Variants in ITGB8 observed in about 807,000 individuals in gnomAD.
ITGB8 encodes integrin beta-8.
A neutral mutation model predicts 89.5 loss-of-function variants in ITGB8; 30 were observed. That is an observed-to-expected ratio of 0.34 (90% CI 0.25 to 0.45). The LOEUF is 0.45. Among genes scored for constraint, ITGB8 ranks in the 20% least tolerant of loss-of-function variants. The pLI is 1.00. For missense variants in ITGB8, 836 were observed against 933.3 expected (o/e 0.90, Z 1.36); for synonymous variants, 335 against 320.4 (o/e 1.05, Z -0.49).
intron 6 of ITGB8, among the ~76,000 whole-genome samples, chr7:20,387,584 C>T (rs926563144): frequency 6.6e-6 from 1 of 152,166 alleles, no homozygotes; most frequent in African/African-American, 2.4e-5. Context: ...TTTTACCCTC[C>T]AGAGGACAAT....
intron 10 of ITGB8, among the ~76,000 whole-genome samples, chr7:20,402,419 C>T (rs1239601365): frequency 6.6e-6 from 1 of 152,156 alleles, no homozygotes; most frequent in Non-Finnish European, 1.5e-5. Flanking sequence ...AAAGGAAATG[C>T]TGATGATATC....
intron 6 of ITGB8, among the ~76,000 whole-genome samples, chr7:20,388,148 C>G (rs1786704543): frequency 6.6e-6 from 1 of 152,200 alleles, no homozygotes; most frequent in Non-Finnish European, 1.5e-5. Context: ...ATGAATCTTT[C>G]TTACCTCTTC....
intron 1 of ITGB8, chr7:20,346,726 A>G: frequency 1.0e-6 from 1 of 985,338 alleles, no homozygotes; most frequent in Non-Finnish European, 1.2e-6. Flanking sequence ...CCAGATGATT[A>G]AAGTGATTGC....
chr7:20,355,770 C>A (rs956383573), intron 1 of ITGB8, among the ~76,000 whole-genome samples: 1 of 152,056 alleles, frequency 6.6e-6, no homozygotes, highest in African/African-American at 2.4e-5. Context: ...CTAGGCTGGG[C>A]GACACTGCAA....
At chr7:20,365,202 G>T (rs1785647231) in intron 2 of ITGB8, 1 of 152,360 alleles carries the variant, frequency 6.6e-6, no homozygotes, top group South Asian at 2.1e-4. Flanking sequence ...TTGTCTGATA[G>T]AAAGAGCTAA....
Position 20,351,812 on chromosome 7 carries a change from C to T in ITGB8, c.128-11825C>T, listed in dbSNP as rs114548972. 1.3e-3 allele frequency among the ~76,000 whole-genome samples: 191 copies of T among 152,210 alleles called. 3 individuals carry two copies. The highest frequency in any genetic ancestry group is 4.0e-3 in the African/African-American group (167 of 41,548). ...AAAGATACAATGTAGAAAATGCATT[C>T]TTACTATCCTAGGGCATTTTTTTTA... is the stretch of plus-strand genomic sequence containing the variant. On this transcript the variant is annotated intron_variant, in intron 1 of 13. Transcript: ENST00000222573.
At chr7:20,403,480 A>C (rs1183853572) in intron 10 of ITGB8, among the ~76,000 whole-genome samples, 2 of 152,188 alleles carry the variant, frequency 1.3e-5, no homozygotes, top group Non-Finnish European at 2.9e-5. Context: ...TTTCTGTGTA[A>C]GTGCAGACTG....
intron 1 of ITGB8, among the ~76,000 whole-genome samples, chr7:20,336,006 T>TC (rs1442214021): frequency 2.0e-4 from 22 of 108,642 alleles, no homozygotes; most frequent in African/African-American, 4.6e-4. Context: ...TTTTCTTTTT[T>TC]TTTTTTTTTT....
At chr7:20,364,127 T>C (rs1214344379) in intron 2 of ITGB8, among the ~76,000 whole-genome samples, 2 of 152,170 alleles carry the variant, frequency 1.3e-5, no homozygotes, top group Non-Finnish European at 2.9e-5. Context: ...CGAATCCTAA[T>C]AACAAAATTC....
intron 1 of ITGB8, among the ~76,000 whole-genome samples, chr7:20,355,448 T>G (rs1218543676): frequency 6.6e-6 from 1 of 152,192 alleles, no homozygotes; most frequent in Non-Finnish European, 1.5e-5. Flanking sequence ...AGCTTCCTCC[T>G]GAGCTACTAT....
chr7:20,398,391 TATC>T (rs1483419716), intron 8 of ITGB8, among the ~76,000 whole-genome samples: 1 of 152,232 alleles, frequency 6.6e-6, no homozygotes, highest in Non-Finnish European at 1.5e-5. Context: ...TCGTTTTAGC[TATC>T]ATGATAGTCT....
At chr7:20,372,195 G>A (rs559285474) in intron 3 of ITGB8, among the ~76,000 whole-genome samples, 1 of 152,162 alleles carries the variant, frequency 6.6e-6, no homozygotes, top group Admixed American at 6.5e-5. Flanking sequence ...ATTATAAGTT[G>A]CATTTTTTCT....
Position 20,381,815 on chromosome 7 carries a change from C to G in ITGB8, c.890C>G (p.Ala297Gly), listed in dbSNP as rs761198562. Reference sequence around the variant, plus strand: ...CATCTCGCTCTTGATAGCAAATTGGCAGGCATAGTGGTGCCCAATGACGGA... The same window carrying G: ...CATCTCGCTCTTGATAGCAAATTGGGAGGCATAGTGGTGCCCAATGACGGA... ...TSHLALDSKLAGIVVPNDGNC... is the reference protein window; with the variant it reads ...TSHLALDSKLGGIVVPNDGNC... Residue 297 changes from alanine (A) to glycine (G), a missense_variant, in exon 6 of 14, where the codon GCA (alanine) becomes GGA (glycine). Physicochemically the swap from Ala to Gly is moderately conservative, Grantham distance 60. Coordinates refer to ENST00000222573, the MANE Select transcript of ITGB8 (RefSeq NM_002214.3). 7 of 1,614,048 alleles carry G rather than the reference C, an allele frequency of 4.3e-6. No homozygotes were observed. The highest frequency in any genetic ancestry group is 5.9e-6 in the Non-Finnish European group (7 of 1,179,918).
chr7:20,341,965 A>G (rs1784772789), intron 1 of ITGB8, among the ~76,000 whole-genome samples: 1 of 151,808 alleles, frequency 6.6e-6, no homozygotes, highest in South Asian at 2.1e-4. Context: ...AGCCAGAACG[A>G]TCATTGGATG....
At chr7:20,388,164 T>A (rs1024930622) in intron 6 of ITGB8, among the ~76,000 whole-genome samples, 3 of 152,248 alleles carry the variant, frequency 2.0e-5, no homozygotes, top group African/African-American at 7.2e-5. Context: ...TCTTCTTTCC[T>A]TCTGACATTT....
chr7:20,410,243 A>G lies in ITGB8; in HGVS notation c.*246A>G. Reference sequence around the variant, plus strand: ...TGTCGTTGTAGCACTTTACTGTAATATATAACTTATTTAGATCAGCATAGA... The same window carrying G: ...TGTCGTTGTAGCACTTTACTGTAATGTATAACTTATTTAGATCAGCATAGA... On this transcript the variant is annotated 3_prime_UTR_variant, in exon 14 of 14. Transcript: ENST00000222573. 2.3e-6 allele frequency: 1 copy of G among 435,648 alleles called. No homozygotes were observed. Among genetic ancestry groups the G allele is most frequent in the South Asian group, 2.5e-5 (1 of 40,310 alleles). 27.0% of individuals were successfully genotyped at this position (435,648 alleles called of 1,614,324 possible). A position where few individuals can be genotyped will look rare whatever the true frequency, so the allele number is the denominator to read the frequency against.
chr7:20,387,410 G>C (rs191331809), intron 6 of ITGB8, among the ~76,000 whole-genome samples: 64 of 152,312 alleles, frequency 4.2e-4, no homozygotes, highest in Non-Finnish European at 7.1e-4. Context: ...CTGAGTGGTA[G>C]ATACTAGTGT....
chr7:20,356,020 C>T (rs964840218), intron 1 of ITGB8, among the ~76,000 whole-genome samples: 6 of 152,178 alleles, frequency 3.9e-5, no homozygotes, highest in African/African-American at 1.4e-4. Context: ...CACTAACTTC[C>T]CGGTAATGTA....
intron 3 of ITGB8, among the ~76,000 whole-genome samples, chr7:20,371,128 A>G (rs1394515692): frequency 6.6e-6 from 1 of 152,218 alleles, no homozygotes; most frequent in Non-Finnish European, 1.5e-5. Flanking sequence ...TAGTTTGCCA[A>G]AAAGAGATAA....
Sources: allele counts gnomAD v4.1 joint callset (sites outside exome capture counted in the v4.1 genomes callset), GRCh38; gene constraint gnomAD v4.1.1; transcripts MANE v1.5; gene names NCBI Gene and HGNC (gene_info 2026-07-23, HGNC 2026-07-21).